The following SGCZ variants were observed in gnomAD, a reference collection of about 807,000 sequenced individuals.
The protein encoded by SGCZ is sarcoglycan zeta.
In SGCZ, 40 loss-of-function variants were observed where a neutral mutation model predicts 41.3. The ratio of observed to expected loss-of-function variants is 0.97; its 90% CI spans 0.75 to 1.26. The LOEUF is 1.26. SGCZ is among the 50% of genes most tolerant of loss of function. The pLI, the probability that SGCZ is intolerant of heterozygous loss-of-function variation, is 0.00. For synonymous variants in SGCZ, 206 were observed against 137.5 expected (o/e 1.50, Z -3.49); for missense variants, 552 against 369.8 (o/e 1.49, Z -4.04).
chr8:15,134,316 T>TTTTTTTTTTTTTTTTTAA (rs398007130), intron 1 of SGCZ, among the ~76,000 whole-genome samples: 1 of 150,890 alleles, frequency 6.6e-6, no homozygotes, highest in Non-Finnish European at 1.5e-5. Context: ...TTTTTTTTTT[T>TTTTTTTTTTTTTTTTTAA]GTTTCTTTAC....
At chr8:14,345,047 A>T (rs1305281479) in intron 2 of SGCZ, among the ~76,000 whole-genome samples, 3 of 152,098 alleles carry the variant, frequency 2.0e-5, no homozygotes, top group East Asian at 1.9e-4. Context: ...TACACACACA[A>T]TTTTTTTCAT....
In SGCZ at chr8:14,385,747, A is replaced by C. The variant is rs147776055; in HGVS notation, c.235-61543T>G. On this transcript the variant is annotated intron_variant, in intron 2 of 7. Transcript: ENST00000382080. ...AGAACAACCAACCAAACAAAAACAA[A>C]AAAACAAAATCCAGGAAGAATGTTA... Among the ~76,000 whole-genome samples the C allele has an allele frequency of 1.5e-4, 23 of 152,352 alleles. 2 individuals carry two copies. In the East Asian group the frequency reaches 4.4e-3, roughly 29 times the overall value.
chr8:15,080,216 T>G (rs1476285324), intron 1 of SGCZ, among the ~76,000 whole-genome samples: 3 of 152,144 alleles, frequency 2.0e-5, no homozygotes, highest in African/African-American at 7.2e-5. Flanking sequence ...ACACAAGATT[T>G]CCAATAGAAT....
chr8:14,958,563 G>C (rs1424739271), intron 1 of SGCZ, among the ~76,000 whole-genome samples: 1 of 151,948 alleles, frequency 6.6e-6, no homozygotes, highest in Non-Finnish European at 1.5e-5. Flanking sequence ...AGTGACTGTG[G>C]AGGTGGAAAC....
chr8:14,245,463 T>G (rs965107167), intron 3 of SGCZ, among the ~76,000 whole-genome samples: 6 of 152,160 alleles, frequency 3.9e-5, no homozygotes, highest in African/African-American at 1.4e-4. Context: ...ATTAAAGACT[T>G]AAACGTTAGA....
chr8:14,986,373 C>T (rs1453860713), intron 1 of SGCZ, among the ~76,000 whole-genome samples: 1 of 151,920 alleles, frequency 6.6e-6, no homozygotes, highest in Non-Finnish European at 1.5e-5. Context: ...TCTAAAAACC[C>T]AGCTTTTAAA....
At chr8:14,221,598 G>C (rs1806195975) in intron 4 of SGCZ, among the ~76,000 whole-genome samples, 1 of 152,142 alleles carries the variant, frequency 6.6e-6, no homozygotes, top group South Asian at 2.1e-4. Context: ...CATTACAATT[G>C]TGTATATGTT....
At chr8:14,858,277 T>C (rs1429904621) in intron 1 of SGCZ, among the ~76,000 whole-genome samples, 2 of 152,072 alleles carry the variant, frequency 1.3e-5, no homozygotes, top group African/African-American at 4.8e-5. Flanking sequence ...TTCACAATAA[T>C]GAACTCATCA....
Position 15,050,134 on chromosome 8 carries a change from G to A in SGCZ, c.39+187451C>T, listed in dbSNP as rs1026783998. 3.9e-5 allele frequency among the ~76,000 whole-genome samples: 6 copies of A among 152,098 alleles called. No homozygotes were observed. In the East Asian group the frequency reaches 1.2e-3, roughly 29 times the overall value. On this transcript the variant is annotated intron_variant, in intron 1 of 7. Transcript: ENST00000382080. ...ATGATGAAATGAATAAGATTTACAC[G>A]TACAGTCTGTGTGGGTAACAGAAAA...
intron 1 of SGCZ, among the ~76,000 whole-genome samples, chr8:14,787,815 C>T (rs1312097846): frequency 6.6e-6 from 1 of 151,920 alleles, no homozygotes; most frequent in Non-Finnish European, 1.5e-5. Context: ...CACTGCACTC[C>T]AGCCTGGACA....
At chr8:15,038,532 A>G (rs1036289121) in intron 1 of SGCZ, among the ~76,000 whole-genome samples, 1 of 152,040 alleles carries the variant, frequency 6.6e-6, no homozygotes, top group Non-Finnish European at 1.5e-5. Flanking sequence ...GAAAATTTCT[A>G]TAACATTGGT....
chr8:14,871,910 A>G (rs1047463901), intron 1 of SGCZ, among the ~76,000 whole-genome samples: 1 of 151,020 alleles, frequency 6.6e-6, no homozygotes, highest in Non-Finnish European at 1.5e-5. Context: ...GTATGTATGT[A>G]TATATATGTG....
chr8:14,165,608 C>T (rs543216348), intron 4 of SGCZ, among the ~76,000 whole-genome samples: 1 of 152,218 alleles, frequency 6.6e-6, no homozygotes. Context: ...ATAGTTCCCG[C>T]TCCTATTAAG....
At chr8:14,787,710 G>T (rs1347761434) in intron 1 of SGCZ, among the ~76,000 whole-genome samples, 1 of 152,170 alleles carries the variant, frequency 6.6e-6, no homozygotes. Context: ...GCCAGGAATG[G>T]TGGCACACGC....
chr8:14,482,164 A>G lies in SGCZ; in HGVS notation c.234+72568T>C, dbSNP rs547502245. Among the ~76,000 whole-genome samples the G allele has an allele frequency of 2.0e-5, 3 of 152,318 alleles. 1 individual carries two copies. The South Asian group carries it at 6.2e-4, about 32-fold the overall frequency. On this transcript the variant is annotated intron_variant, in intron 2 of 7. Coordinates refer to ENST00000382080, the MANE Select transcript of SGCZ (RefSeq NM_139167.4). Reference sequence around the variant, plus strand: ...CAGGGACTGACTGACTAACTCAGTGAGCATCCATCCCTGGTTCTAATATCT... The same window carrying G: ...CAGGGACTGACTGACTAACTCAGTGGGCATCCATCCCTGGTTCTAATATCT...
rs567017091 is a variant in SGCZ at position 14,392,789 on chromosome 8, G to A, written c.235-68585C>T. 6.6e-5 allele frequency among the ~76,000 whole-genome samples: 10 copies of A among 151,676 alleles called. 1 individual carries two copies. Among genetic ancestry groups the A allele is most frequent in the African/African-American group, 2.4e-4 (10 of 41,238 alleles). On this transcript the variant is annotated intron_variant, in intron 2 of 7. Transcript: ENST00000382080. ...ATTAATTTTTCTTTGGCTAATACATGCATATTTAAGACTTTTAACTTGAAA... is the reference window on the plus strand; with the variant it reads ...ATTAATTTTTCTTTGGCTAATACATACATATTTAAGACTTTTAACTTGAAA...
At chr8:14,913,098 A>C (rs1226102622) in intron 1 of SGCZ, among the ~76,000 whole-genome samples, 1 of 152,110 alleles carries the variant, frequency 6.6e-6, no homozygotes. Flanking sequence ...AAAAATTTAA[A>C]AAGGTGTACA....
chr8:15,162,884 G>A (rs982209982), intron 1 of SGCZ, among the ~76,000 whole-genome samples: 2 of 152,196 alleles, frequency 1.3e-5, no homozygotes, highest in Non-Finnish European at 2.9e-5. Flanking sequence ...TCATGAAACT[G>A]CAGAAACAGT....
At chr8:14,984,482 CCTCT>C (rs1460425251) in intron 1 of SGCZ, among the ~76,000 whole-genome samples, 1 of 150,988 alleles carries the variant, frequency 6.6e-6, no homozygotes, top group Non-Finnish European at 1.5e-5. Context: ...GATTTTTTTT[CCTCT>C]CTATTTCTTA....
Sources: allele counts gnomAD v4.1 joint callset (sites outside exome capture counted in the v4.1 genomes callset), GRCh38; gene constraint gnomAD v4.1.1; transcripts MANE v1.5; gene names NCBI Gene and HGNC (gene_info 2026-07-23, HGNC 2026-07-21).